Variants in ZNF609 observed in about 807,000 individuals in gnomAD.
The protein encoded by ZNF609 is zinc finger protein 609.
ZNF609 carries 11 observed loss-of-function variants against 109.5 expected under a neutral mutation model. The observed-to-expected ratio is 0.10, with a 90% CI of 0.06 to 0.17. ZNF609 has a LOEUF of 0.17. Among genes scored for constraint, ZNF609 ranks in the 10% least tolerant of loss-of-function variants. ZNF609 has a pLI of 1.00. For synonymous variants in ZNF609, 646 were observed against 662.0 expected (o/e 0.98, Z 0.37); for missense variants, 1,559 against 1,772.4 (o/e 0.88, Z 2.16).
At chr15:64,645,005 C>CT (rs1896311073) in intron 3 of ZNF609, among the ~76,000 whole-genome samples, 1 of 145,432 alleles carries the variant, frequency 6.9e-6, no homozygotes, top group African/African-American at 2.7e-5. Context: ...TTCTTTCTTT[C>CT]TTTCTTCCTT....
intron 3 of ZNF609, among the ~76,000 whole-genome samples, chr15:64,624,843 T>A (rs1895928271): frequency 6.8e-6 from 1 of 147,788 alleles, no homozygotes; most frequent in South Asian, 2.2e-4. Flanking sequence ...CACTGCAACC[T>A]CTGCCTCCCA....
intron 4 of ZNF609, chr15:64,671,510 C>G (rs1019231979): frequency 1.3e-5 from 2 of 152,160 alleles, no homozygotes; most frequent in African/African-American, 2.4e-5. Flanking sequence ...GAAATTTGAA[C>G]TCAAGAACAT....
chr15:64,655,159 A>G (rs531592177), intron 3 of ZNF609, among the ~76,000 whole-genome samples: 2 of 149,086 alleles, frequency 1.3e-5, no homozygotes, highest in South Asian at 2.1e-4. Context: ...AAAAAAAATT[A>G]TAGCACCAAG....
chr15:64,552,777 T>A (rs940638809), intron 2 of ZNF609, among the ~76,000 whole-genome samples: 3 of 152,118 alleles, frequency 2.0e-5, no homozygotes, highest in African/African-American at 7.2e-5. Flanking sequence ...GGCTCCCAAG[T>A]AGCTGGGACT....
Position 64,588,426 on chromosome 15 carries a change from T to TAA in ZNF609, c.748-34384_748-34383dup, listed in dbSNP as rs1167575851. 5.1e-4 allele frequency among the ~76,000 whole-genome samples: 3 copies of TAA among 5,904 alleles called. No individual in the cohort carries two copies. The East Asian group carries it at 0.065, about 128-fold the overall frequency. 3.9% of individuals were successfully genotyped at this position (5,904 alleles called of 152,430 possible). A position where few individuals can be genotyped will look rare whatever the true frequency, so the allele number is the denominator to read the frequency against. ...CTGCGTAACAGAGCGACACTCTGTC[T>TAA]AAAAAAAAAAAAAAAAAAGAAGAGG... is the stretch of plus-strand genomic sequence containing the variant. On this transcript the variant is annotated intron_variant, in intron 2 of 9. Coordinates refer to ENST00000326648, the MANE Select transcript of ZNF609 (RefSeq NM_015042.2).
rs902657150 is a variant in ZNF609 at position 64,685,871 on chromosome 15, T to C, written c.*4185T>C. 4 of 152,174 alleles carry C rather than the reference T, an allele frequency of 2.6e-5. No individual in the cohort carries two copies. Among genetic ancestry groups the C allele is most frequent in the African/African-American group, 9.7e-5 (4 of 41,408 alleles). 9.4% of individuals were successfully genotyped at this position (152,174 alleles called of 1,614,324 possible). ...TGGGTCAAGAGTATTTGATCAGAAT[T>C]TTAAAGGGTGGTATACTCTGAAACA... On this transcript the variant is annotated 3_prime_UTR_variant, in exon 10 of 10. Coordinates refer to ENST00000326648, the MANE Select transcript of ZNF609 (RefSeq NM_015042.2).
intron 2 of ZNF609, among the ~76,000 whole-genome samples, chr15:64,515,128 T>C (rs1893787700): frequency 6.6e-6 from 1 of 152,240 alleles, no homozygotes; most frequent in Admixed American, 6.5e-5. Context: ...TCATATGTTC[T>C]ACCTGGGACA....
At chr15:64,590,714 A>C (rs554565927) in intron 2 of ZNF609, among the ~76,000 whole-genome samples, 1 of 152,002 alleles carries the variant, frequency 6.6e-6, no homozygotes, top group South Asian at 2.1e-4. Flanking sequence ...CTGGGTTTAG[A>C]GTAGTCATGT....
intron 2 of ZNF609, among the ~76,000 whole-genome samples, chr15:64,506,753 G>A (rs1299956937): frequency 1.3e-5 from 2 of 151,582 alleles, no homozygotes; most frequent in Admixed American, 6.6e-5. Flanking sequence ...TTTAGATTAA[G>A]TTAGCTAATT....
intron 2 of ZNF609, among the ~76,000 whole-genome samples, chr15:64,612,170 C>T (rs1361855794): frequency 1.3e-5 from 2 of 148,428 alleles, no homozygotes; most frequent in Non-Finnish European, 3.0e-5. Flanking sequence ...TTTTTTGAGA[C>T]GGAATTCCCC....
intron 1 of ZNF609, among the ~76,000 whole-genome samples, chr15:64,465,366 GTTTA>G (rs140788657): frequency 0.1 from 15,730 of 151,920 alleles, 2,064 homozygotes; most frequent in East Asian, 0.77. Flanking sequence ...CTCTTCGGTT[GTTTA>G]TTTGTTTGTT....
rs1027287477 is a variant in ZNF609, at chr15:64,685,734, A to C, written c.*4048A>C. 2.0e-5 allele frequency: 3 copies of C among 152,610 alleles called. No individual in the cohort carries two copies. The highest frequency in any genetic ancestry group is 7.2e-5 in the African/African-American group (3 of 41,420). 9.5% of individuals were successfully genotyped at this position (152,610 alleles called of 1,614,324 possible). ...TAGGAATGACCGGAAAACTACCCCT[A>C]AAACTCCCCCGACATTCCAGCCTCT... On this transcript the variant is annotated 3_prime_UTR_variant, in exon 10 of 10. Coordinates refer to ENST00000326648, the MANE Select transcript of ZNF609 (RefSeq NM_015042.2).
intron 2 of ZNF609, among the ~76,000 whole-genome samples, chr15:64,590,720 C>T (rs898001393): frequency 2.0e-5 from 3 of 151,580 alleles, no homozygotes; most frequent in African/African-American, 4.9e-5. Context: ...TTAGAGTAGT[C>T]ATGTAACCCA....
In ZNF609 at chr15:64,684,264, G is replaced by T. The variant is rs1023033581; in HGVS notation, c.*2578G>T. The T allele has an allele frequency of 2.6e-5, 4 of 152,408 alleles. No homozygotes were observed. The highest frequency in any genetic ancestry group is 7.2e-5 in the African/African-American group (3 of 41,420). The allele number at this position is 152,408 out of a possible 1,614,324, so 9.4% of individuals were successfully genotyped here. On this transcript the variant is annotated 3_prime_UTR_variant, in exon 10 of 10. Transcript: ENST00000326648. ...CAGAGGGATGAGATGCTCAGCAGGG[G>T]TCCCCATCCTATCCCACCCCACAAA...
chr15:64,513,712 T>C (rs1893766428), intron 2 of ZNF609, among the ~76,000 whole-genome samples: 2 of 152,236 alleles, frequency 1.3e-5, no homozygotes, highest in South Asian at 4.2e-4. Flanking sequence ...TAATGAAAAA[T>C]ATGTATTTGT....
intron 2 of ZNF609, among the ~76,000 whole-genome samples, chr15:64,560,301 C>T (rs1664496393): frequency 6.6e-6 from 1 of 151,836 alleles, no homozygotes; most frequent in Non-Finnish European, 1.5e-5. Flanking sequence ...CCGCCTCGGC[C>T]TCCCAAAGTG....
At chr15:64,474,875 G>A (rs1893144333) in intron 1 of ZNF609, among the ~76,000 whole-genome samples, 1 of 152,020 alleles carries the variant, frequency 6.6e-6, no homozygotes, top group Non-Finnish European at 1.5e-5. Context: ...TGCCTACATA[G>A]GTCAATATTC....
intron 1 of ZNF609, among the ~76,000 whole-genome samples, chr15:64,493,180 A>G (rs1566997306): frequency 6.6e-6 from 1 of 151,994 alleles, no homozygotes; most frequent in Non-Finnish European, 1.5e-5. Context: ...GGATACAGAG[A>G]TCTCTCGGGG....
intron 1 of ZNF609, among the ~76,000 whole-genome samples, chr15:64,490,272 GT>G (rs869148522): frequency 2.9e-4 from 6 of 20,778 alleles, no homozygotes; most frequent in South Asian, 2.2e-3. Flanking sequence ...GCCAGTAGTT[GT>G]TTTTTTTTTT....
Sources: gnomAD v4.1 joint callset for allele counts (sites outside exome capture counted in the v4.1 genomes callset) on GRCh38, gnomAD v4.1.1 for gene constraint, MANE v1.5 for transcripts, NCBI Gene and HGNC (gene_info 2026-07-23, HGNC 2026-07-21) for gene names.